ERICH1: variants seen among roughly 807,000 people sequenced by gnomAD.
ERICH1 encodes glutamate-rich protein 1.
Under a neutral mutation model 39.6 loss-of-function variants are expected in ERICH1, and 56 were observed. That is an observed-to-expected ratio of 1.41 (90% CI 1.14 to 1.77). The LOEUF (loss-of-function observed/expected upper bound fraction) is 1.77, where lower values mean the gene tolerates loss of function less well. ERICH1 is among the 40% of genes most tolerant of loss of function. ERICH1 has a pLI of 0.00. For missense variants in ERICH1, 826 were observed against 575.4 expected (o/e 1.44, Z -4.45); for synonymous variants, 313 against 223.6 (o/e 1.40, Z -3.57).
At chr8:720,967 A>C (rs1817183705) in intron 1 of ERICH1, among the ~76,000 whole-genome samples, 1 of 152,228 alleles carries the variant, frequency 6.6e-6, no homozygotes, top group Non-Finnish European at 1.5e-5. Flanking sequence ...CAGGAGTTAC[A>C]GCATGATTTT....
At chr8:702,289 C>T (rs767403782) in intron 2 of ERICH1, among the ~76,000 whole-genome samples, 8 of 152,072 alleles carry the variant, frequency 5.3e-5, no homozygotes, top group Non-Finnish European at 7.4e-5. Flanking sequence ...ACTCAATTAG[C>T]GAGACTGCAA....
At chr8:630,526 C>G in intron 3 of ERICH1, among the ~76,000 whole-genome samples, 1 of 121,508 alleles carries the variant, frequency 8.2e-6, no homozygotes, top group East Asian at 2.6e-4. Flanking sequence ...TGACTCACAC[C>G]CTCCCGTGAG....
At chr8:674,073 A>C (rs780241266) in intron 3 of ERICH1, 26 bp from the exon 4 acceptor site, 3 of 1,513,206 alleles carry the variant, frequency 2.0e-6, no homozygotes, top group South Asian at 2.6e-5. Context: ...AAATATAACA[A>C]TTTTCAGTAC....
At chr8:672,813 A>C (rs1309359134) in intron 4 of ERICH1, among the ~76,000 whole-genome samples, 1 of 152,274 alleles carries the variant, frequency 6.6e-6, no homozygotes, top group African/African-American at 2.4e-5. Context: ...CATCCGTTCT[A>C]TGTGGAAGAG....
chr8:644,104 G>T (rs1799328314), intron 3 of ERICH1, among the ~76,000 whole-genome samples: 1 of 152,180 alleles, frequency 6.6e-6, no homozygotes, highest in Admixed American at 6.5e-5. Context: ...GCTATCTTAA[G>T]TCTTGGCCGC....
chr8:696,535 C>T (rs542558229), intron 2 of ERICH1, among the ~76,000 whole-genome samples: 1 of 37,648 alleles, frequency 2.7e-5, no homozygotes, highest in African/African-American at 1.7e-4. Flanking sequence ...AGCCTGTGCG[C>T]GCTCCTCACA....
intron 3 of ERICH1, among the ~76,000 whole-genome samples, chr8:689,676 G>A (rs578168594): frequency 1.1e-4 from 16 of 152,282 alleles, no homozygotes; most frequent in East Asian, 7.7e-4. Flanking sequence ...ACTTGTTTCC[G>A]GCACCGTGGC....
At chr8:669,708 G>C (rs939439508) in intron 4 of ERICH1, among the ~76,000 whole-genome samples, 1 of 152,246 alleles carries the variant, frequency 6.6e-6, no homozygotes, top group African/African-American at 2.4e-5. Flanking sequence ...AGCTCTCTAT[G>C]TCCACATCAC....
At chr8:676,485 A>AGGCGCGGCGGCCCCTCGT (rs1804819492) in intron 3 of ERICH1, among the ~76,000 whole-genome samples, 1 of 131,760 alleles carries the variant, frequency 7.6e-6, no homozygotes, top group African/African-American at 3.0e-5. Context: ...GCGAGGACAG[A>AGGCGCGGCGGCCCCTCGT]GACGCGGCGG....
rs1563319316 is a variant in ERICH1 at position 708,681 on chromosome 8, G to GTTTTTTTTTTGTTTTTTTTTT, written c.169+7179_169+7180insAAAAAAAAAACAAAAAAAAAA. 2.7e-4 allele frequency among the ~76,000 whole-genome samples: 18 copies of GTTTTTTTTTTGTTTTTTTTTT among 65,776 alleles called. 1 individual carries two copies. Among genetic ancestry groups the GTTTTTTTTTTGTTTTTTTTTT allele is most frequent in the East Asian group, 8.7e-4 (2 of 2,304 alleles). The allele number at this position is 65,776 out of a possible 152,430, so 43.2% of individuals were successfully genotyped here. ...GGGCTGAGTGGTTACGGGATAATGAGTTTTTTTTTTTTTTTTTTTTTTTTT... is the reference window on the plus strand; with the variant it reads ...GGGCTGAGTGGTTACGGGATAATGAGTTTTTTTTTTGTTTTTTTTTTTTTTTTTTTTTTTTTTTTTTTTTTT... On this transcript the variant is annotated intron_variant, in intron 2 of 5. Coordinates refer to ENST00000262109, the MANE Select transcript of ERICH1 (RefSeq NM_207332.3).
intron 3 of ERICH1, among the ~76,000 whole-genome samples, chr8:629,290 C>A (rs982290212): frequency 6.6e-6 from 1 of 152,166 alleles, no homozygotes; most frequent in African/African-American, 2.4e-5. Context: ...TGACGTACAG[C>A]TGACTCACAC....
At chr8:702,693 G>A (rs1251032478) in intron 2 of ERICH1, among the ~76,000 whole-genome samples, 1 of 152,234 alleles carries the variant, frequency 6.6e-6, no homozygotes, top group African/African-American at 2.4e-5. Context: ...GTCGCAGCTC[G>A]GCAGGAGGGT....
chr8:699,594 T>C (rs910151769), intron 2 of ERICH1, among the ~76,000 whole-genome samples: 4 of 151,838 alleles, frequency 2.6e-5, no homozygotes, highest in African/African-American at 4.8e-5. Flanking sequence ...TTCCCTCCTA[T>C]TTTCATCATA....
chr8:670,235 C>G (rs35386957), intron 4 of ERICH1, among the ~76,000 whole-genome samples: 1 of 152,182 alleles, frequency 6.6e-6, no homozygotes, highest in Non-Finnish European at 1.5e-5. Context: ...TTAGTAGATT[C>G]AAATTACCTG....
intron 3 of ERICH1, among the ~76,000 whole-genome samples, chr8:621,975 G>A (rs1224117223): frequency 6.6e-6 from 1 of 152,190 alleles, no homozygotes. Flanking sequence ...AGCACGTTGG[G>A]AGGCCAAGGC....
At chr8:661,094 T>A (rs1308214430), downstream of ERICH1, among the ~76,000 whole-genome samples, 1 of 152,138 alleles carries the variant, frequency 6.6e-6, no homozygotes, top group Non-Finnish European at 1.5e-5. Context: ...TTGAGGAATT[T>A]CTGACCCCTT....
At chr8:636,850 A>C (rs543643718) in intron 3 of ERICH1, among the ~76,000 whole-genome samples, 1 of 152,310 alleles carries the variant, frequency 6.6e-6, no homozygotes, top group South Asian at 2.1e-4. Flanking sequence ...CTTCCAGGCC[A>C]CGTGTTGGGA....
intron 4 of ERICH1, among the ~76,000 whole-genome samples, chr8:670,513 G>A (rs1044795299): frequency 1.3e-5 from 2 of 152,188 alleles, no homozygotes; most frequent in Non-Finnish European, 2.9e-5. Flanking sequence ...TGCAGGGACT[G>A]AGCTGACTCC....
At chr8:676,536 C>CAGAGGCGCGGCGGCCCCTCGTGAGGAG (rs1804850225) in intron 3 of ERICH1, among the ~76,000 whole-genome samples, 1 of 151,970 alleles carries the variant, frequency 6.6e-6, no homozygotes, top group South Asian at 2.1e-4. Context: ...CTCGTGAGGA[C>CAGAGGCGCGGCGGCCCCTCGTGAGGAG]AGAGGCACAC....
Sources: gnomAD v4.1 joint callset for allele counts (sites outside exome capture counted in the v4.1 genomes callset) on GRCh38, gnomAD v4.1.1 for gene constraint, MANE v1.5 for transcripts, NCBI Gene and HGNC (gene_info 2026-07-23, HGNC 2026-07-21) for gene names.